Variants in ERICH3 observed in about 807,000 individuals in gnomAD.
The protein encoded by ERICH3 is glutamate-rich protein 3.
ERICH3 carries 126 observed loss-of-function variants against 131.1 expected under a neutral mutation model. That is an observed-to-expected ratio of 0.96 (90% CI 0.83 to 1.11). The LOEUF (loss-of-function observed/expected upper bound fraction) is 1.11. Ranked by LOEUF, ERICH3 falls within the 50% of genes most tolerant of loss-of-function variation. The pLI, the probability that ERICH3 is intolerant of heterozygous loss-of-function variation, is 0.00. For missense variants in ERICH3, 2,050 were observed against 1,810.7 expected, an observed-to-expected ratio of 1.13 and a Z score of -2.40; for synonymous variants, 695 against 644.6, an observed-to-expected ratio of 1.08 and a Z score of -1.18.
chr1:74,599,904 T>G lies in ERICH3; in HGVS notation c.1517A>C (p.Glu506Ala). The change falls in exon 11 of 15, where the codon GAG (glutamate) becomes GCG (alanine). Residue 506 changes from glutamate to alanine, a missense_variant. Glu to Ala is a moderately radical substitution (Grantham distance 107). Transcript: ENST00000326665. Reference sequence around the variant, plus strand: ...ATTAGATTTTTCACCTTGTTTCTCCTCATCTACTTCAAAGTCTTCTTCATA... The same window carrying G: ...ATTAGATTTTTCACCTTGTTTCTCCGCATCTACTTCAAAGTCTTCTTCATA... ...YEYEEDFEVD[E>A]EKQGEKSNEE... 2 of 1,610,550 alleles carry G rather than the reference T, an allele frequency of 1.2e-6. No homozygotes were observed. Among genetic ancestry groups the G allele is most frequent in the Non-Finnish European group, 1.7e-6 (2 of 1,178,306 alleles).
chr1:74,671,170 G>A (rs1646739475), intron 1 of ERICH3, among the ~76,000 whole-genome samples: 1 of 150,028 alleles, frequency 6.7e-6, no homozygotes, highest in African/African-American at 2.5e-5. Context: ...TTTGCCTTGT[G>A]ATCTTTGTTG....
At chr1:74,602,821 A>G (rs575736012) in intron 10 of ERICH3, among the ~76,000 whole-genome samples, 46 of 152,024 alleles carry the variant, frequency 3.0e-4, no homozygotes, top group African/African-American at 1.1e-3. Flanking sequence ...CAAAGTTAAA[A>G]CACATGAAAA....
At chr1:74,667,613 C>G (rs967696579) in intron 1 of ERICH3, among the ~76,000 whole-genome samples, 3 of 152,128 alleles carry the variant, frequency 2.0e-5, no homozygotes, top group Non-Finnish European at 4.4e-5. Context: ...ATATTTGGGG[C>G]TGATTTTTAA....
intron 12 of ERICH3, among the ~76,000 whole-genome samples, chr1:74,582,033 C>T (rs1647190407): frequency 6.6e-6 from 1 of 152,114 alleles, no homozygotes; most frequent in Non-Finnish European, 1.5e-5. Flanking sequence ...ACATTGCCAT[C>T]TTCTTTGTTA....
Position 74,640,389 on chromosome 1 carries a change from T to G in ERICH3, c.444+942A>C, listed in dbSNP as rs907425410. Among the ~76,000 whole-genome samples, 4 of 152,148 alleles carry G rather than the reference T, an allele frequency of 2.6e-5. No homozygotes were observed. The East Asian group carries it at 7.7e-4, about 29-fold the overall frequency. On this transcript the variant is annotated intron_variant, in intron 5 of 14. Transcript: ENST00000326665. ...CATTTGAGCTGTTCATCAAGAAATG[T>G]CAAAACATATTTACCCTTTGAAAAA...
At chr1:74,622,141 A>C (rs2100612313) in intron 7 of ERICH3, 1 of 152,352 alleles carries the variant, frequency 6.6e-6, no homozygotes, top group Admixed American at 6.5e-5. Context: ...CTTCCACTTC[A>C]GATGATTTCT....
rs749216731 is a variant in ERICH3, at chr1:74,590,033, T to C, written c.1774A>G (p.Ser592Gly). Residue 592 changes from serine to glycine, a missense_variant, in exon 12 of 15, where the codon AGT becomes GGT. Physicochemically the swap from Ser to Gly is moderately conservative, Grantham distance 56. Transcript: ENST00000326665. ...STSSRSHPYS[S>G]DSEDESAVGD... Reference sequence around the variant, plus strand: ...ACTGCAGATTCATCCTCACTGTCACTAGAATAAGGGTGACTTCTGGATGAG... The same window carrying C: ...ACTGCAGATTCATCCTCACTGTCACCAGAATAAGGGTGACTTCTGGATGAG... The C allele has an allele frequency of 2.5e-6, 4 of 1,613,636 alleles. No individual in the cohort carries two copies. The African/African-American group carries it at 5.3e-5, about 22-fold the overall frequency.
chr1:74,638,307 A>G (rs1467896627), intron 5 of ERICH3, among the ~76,000 whole-genome samples: 2 of 152,184 alleles, frequency 1.3e-5, no homozygotes, highest in African/African-American at 2.4e-5. Context: ...TTTAACATCT[A>G]ATGGCAACAC....
At chr1:74,670,930 G>A (rs1459048481) in intron 1 of ERICH3, among the ~76,000 whole-genome samples, 1 of 152,148 alleles carries the variant, frequency 6.6e-6, no homozygotes, top group Non-Finnish European at 1.5e-5. Flanking sequence ...TCTATAAACA[G>A]CTGCTCTGGG....
intron 13 of ERICH3, among the ~76,000 whole-genome samples, chr1:74,575,066 C>A (rs936107837): frequency 2.0e-5 from 3 of 151,814 alleles, no homozygotes; most frequent in African/African-American, 7.3e-5. Flanking sequence ...TCTTGGCTAG[C>A]CATCTTACCC....
chr1:74,572,418 G>A lies in ERICH3; in HGVS notation c.3292C>T (p.Leu1098Phe), dbSNP rs1055608153. The change falls in exon 14 of 15, where the codon CTT becomes TTT. Residue 1098 changes from leucine (L) to phenylalanine (F), a missense_variant. Transcript: ENST00000326665. ...DEDAFKEEQK[L>F]KAEEGETETE... ...TCTGTTTCCCCTTCTTCCGCTTTAAGTTTTTGCTCTTCTTTAAAAGCATCT... is the reference window on the plus strand; with the variant it reads ...TCTGTTTCCCCTTCTTCCGCTTTAAATTTTTGCTCTTCTTTAAAAGCATCT... 6 of 1,613,678 alleles carry A rather than the reference G, an allele frequency of 3.7e-6. No homozygotes were observed. The highest frequency in any genetic ancestry group is 8.5e-7 in the Non-Finnish European group (1 of 1,180,022).
At chr1:74,663,263 A>G (rs1259458148) in intron 1 of ERICH3, among the ~76,000 whole-genome samples, 1 of 152,162 alleles carries the variant, frequency 6.6e-6, no homozygotes, top group Non-Finnish European at 1.5e-5. Flanking sequence ...CATAACAACA[A>G]CTACAAAGCA....
At chr1:74,656,317 C>A (rs1321363873) in intron 1 of ERICH3, among the ~76,000 whole-genome samples, 8 of 152,268 alleles carry the variant, frequency 5.3e-5, no homozygotes, top group East Asian at 3.9e-4. Flanking sequence ...GGACTGATGA[C>A]CTTGGCATTT....
At chr1:74,662,607 C>G (rs1161213342) in intron 1 of ERICH3, among the ~76,000 whole-genome samples, 1 of 152,100 alleles carries the variant, frequency 6.6e-6, no homozygotes, top group Non-Finnish European at 1.5e-5. Flanking sequence ...AGTTAGTGTT[C>G]TACTCAAGGT....
chr1:74,662,928 A>AT (rs1646656593), intron 1 of ERICH3, among the ~76,000 whole-genome samples: 1 of 152,184 alleles, frequency 6.6e-6, no homozygotes, highest in Admixed American at 6.6e-5. Flanking sequence ...AGGTGGGATA[A>AT]TTGCTTGAGC....
At chr1:74,653,353 G>C (rs939546421) in intron 1 of ERICH3, among the ~76,000 whole-genome samples, 3 of 151,852 alleles carry the variant, frequency 2.0e-5, no homozygotes, top group African/African-American at 4.8e-5. Context: ...GCACACACTA[G>C]ATACACACTG....
chr1:74,631,271 T>C (rs1378041135), intron 7 of ERICH3, among the ~76,000 whole-genome samples: 1 of 152,144 alleles, frequency 6.6e-6, no homozygotes, highest in Non-Finnish European at 1.5e-5. Flanking sequence ...CTGTAATCTC[T>C]TAAAAAATTA....
chr1:74,582,932 T>G (rs1159581567), intron 12 of ERICH3, among the ~76,000 whole-genome samples: 1 of 152,170 alleles, frequency 6.6e-6, no homozygotes, highest in Non-Finnish European at 1.5e-5. Context: ...TTTTCTGATT[T>G]TTTTGTAATT....
At chr1:74,601,921 G>A (rs1001216657) in intron 10 of ERICH3, among the ~76,000 whole-genome samples, 8 of 151,788 alleles carry the variant, frequency 5.3e-5, no homozygotes, top group Non-Finnish European at 1.5e-5. Context: ...ATAATCCCTG[G>A]AACATGCTTA....
Sources: allele counts gnomAD v4.1 joint callset (sites outside exome capture counted in the v4.1 genomes callset), GRCh38; gene constraint gnomAD v4.1.1; transcripts MANE v1.5; gene names NCBI Gene and HGNC (gene_info 2026-07-23, HGNC 2026-07-21).